R3HDM1: variants seen among roughly 807,000 people sequenced by gnomAD.
R3HDM1 encodes R3H domain containing 1, also known as R3H domain-containing protein 1.
R3HDM1 carries 46 observed loss-of-function variants against 141.1 expected under a neutral mutation model. That is an observed-to-expected ratio of 0.33 (90% CI 0.26 to 0.42). The LOEUF is 0.42. Ranked by LOEUF, R3HDM1 falls within the 10% of genes least tolerant of loss-of-function variation. R3HDM1 has a pLI of 1.00. For synonymous variants in R3HDM1, 435 were observed against 472.9 expected (o/e 0.92, Z 1.04); for missense variants, 1,184 against 1,368.3 (o/e 0.87, Z 2.12).
chr2:135,585,079 AG>A (rs1707569066), intron 1 of R3HDM1, among the ~76,000 whole-genome samples: 1 of 152,194 alleles, frequency 6.6e-6, no homozygotes, highest in East Asian at 1.9e-4. Context: ...GTGCAGTAAA[AG>A]ATTGTACACT....
At chr2:135,535,756 TTTGC>T (rs1360282339) in intron 1 of R3HDM1, among the ~76,000 whole-genome samples, 11 of 152,266 alleles carry the variant, frequency 7.2e-5, no homozygotes, top group African/African-American at 2.6e-4. Context: ...ATTAAACACA[TTTGC>T]TTGTACCTAA....
intron 1 of R3HDM1, among the ~76,000 whole-genome samples, chr2:135,553,315 C>T (rs925499650): frequency 3.3e-5 from 5 of 152,280 alleles, no homozygotes; most frequent in Middle Eastern, 3.4e-3. Flanking sequence ...AAGTACAACC[C>T]TCTGTTCCTT....
intron 21 of R3HDM1, among the ~76,000 whole-genome samples, 167 bp downstream of exon 21, chr2:135,680,491 T>C (rs1046561544): frequency 4.6e-5 from 7 of 152,218 alleles, no homozygotes; most frequent in African/African-American, 1.7e-4. Context: ...TTCTTTCGGC[T>C]AGGTACGGTG....
chr2:135,669,811 CTTAATAAA>C lies in R3HDM1; in HGVS notation c.2153-5519_2153-5512del, dbSNP rs546302540. Among the ~76,000 whole-genome samples the C allele has an allele frequency of 5.1e-3, 777 of 152,240 alleles. 5 individuals are homozygous for C. The highest frequency in any genetic ancestry group is 7.3e-3 in the Non-Finnish European group (498 of 68,006). On this transcript the variant is annotated intron_variant, in intron 19 of 26. Coordinates refer to ENST00000683871, the MANE Select transcript of R3HDM1 (RefSeq NM_001378107.1). ...AAAGTACTCAGAACAGTGCCTGAAA[CTTAATAAA>C]TATCATTTGAGGCTTAGGTATTAAG...
intron 19 of R3HDM1, among the ~76,000 whole-genome samples, chr2:135,671,112 C>T (rs1201840277): frequency 4.0e-5 from 6 of 150,334 alleles, no homozygotes; most frequent in Non-Finnish European, 7.4e-5. Flanking sequence ...ATAATACCTT[C>T]ATTACAAACT....
At chr2:135,620,008 A>C (rs1179883162) in intron 5 of R3HDM1, among the ~76,000 whole-genome samples, 1 of 152,210 alleles carries the variant, frequency 6.6e-6, no homozygotes, top group Non-Finnish European at 1.5e-5. Context: ...TTGCTACTGA[A>C]AACTAGGCCA....
At chr2:135,570,674 CAAG>C (rs1703906609) in intron 1 of R3HDM1, among the ~76,000 whole-genome samples, 1 of 152,134 alleles carries the variant, frequency 6.6e-6, no homozygotes, top group Non-Finnish European at 1.5e-5. Context: ...GAAATGAGCA[CAAG>C]AAGATAGAAA....
chr2:135,540,421 T>G (rs533540180), intron 1 of R3HDM1, among the ~76,000 whole-genome samples: 1 of 152,326 alleles, frequency 6.6e-6, no homozygotes, highest in African/African-American at 2.4e-5. Context: ...CCTCCTCCCA[T>G]GAATCACAAA....
intron 19 of R3HDM1, among the ~76,000 whole-genome samples, chr2:135,664,721 T>C (rs532821926): frequency 2.0e-5 from 3 of 152,368 alleles, no homozygotes; most frequent in East Asian, 1.9e-4. Flanking sequence ...TCTTTTGTTA[T>C]GAATGTGAAA....
chr2:135,657,387 G>A (rs1455263304), intron 18 of R3HDM1, among the ~76,000 whole-genome samples: 1 of 150,330 alleles, frequency 6.7e-6, no homozygotes, highest in African/African-American at 2.5e-5. Flanking sequence ...CTCCAGCCTG[G>A]GAGACAGAGC....
chr2:135,715,571 C>G lies in R3HDM1; in HGVS notation c.2758C>G (p.Pro920Ala). The G allele has an allele frequency of 6.2e-7, 1 of 1,613,974 alleles. No individual in the cohort carries two copies. Among genetic ancestry groups the G allele is most frequent in the Non-Finnish European group, 8.5e-7 (1 of 1,179,936 alleles). Residue 920 changes from proline to alanine, a missense_variant, in exon 24 of 27, where the codon CCC becomes GCC. Transcript: ENST00000683871. Reference sequence around the variant, plus strand: ...GCAGCACAGCCCTCAACTCAGTAGCCCCATTATTTCACCAGCTCAGTCGCC... The same window carrying G: ...GCAGCACAGCCCTCAACTCAGTAGCGCCATTATTTCACCAGCTCAGTCGCC... ...IVQHSPQLSS[P>A]IISPAQSPAP...
intron 11 of R3HDM1, among the ~76,000 whole-genome samples, chr2:135,636,732 C>T (rs2063291758): frequency 6.6e-6 from 1 of 150,392 alleles, no homozygotes; most frequent in Non-Finnish European, 1.5e-5. Flanking sequence ...TCAACATCTA[C>T]TAAGCATCTG....
chr2:135,607,823 C>T lies in R3HDM1; in HGVS notation c.171+2807C>T, dbSNP rs1015009746. On this transcript the variant is annotated intron_variant, in intron 3 of 26. Coordinates refer to ENST00000683871, the MANE Select transcript of R3HDM1 (RefSeq NM_001378107.1). ...AGTATAAGAAAATTTCCCACATTAC[C>T]CAAACCATTTATTGAAAAATCTCTT... 3 of 979,380 alleles carry T rather than the reference C, an allele frequency of 3.1e-6. No homozygotes were observed. In the African/African-American group the frequency reaches 5.3e-5, roughly 17 times the overall value. The allele number at this position is 979,380 out of a possible 1,614,324, so 60.7% of individuals were successfully genotyped here.
At chr2:135,654,427 T>TTTG (rs35477275) in intron 18 of R3HDM1, among the ~76,000 whole-genome samples, 21,395 of 149,118 alleles carry the variant, frequency 0.14, 1,763 homozygotes, top group South Asian at 0.29. Context: ...AATGTTTTCT[T>TTTG]TTGTTGTTGT....
intron 1 of R3HDM1, among the ~76,000 whole-genome samples, chr2:135,594,908 G>A (rs1274946515): frequency 6.6e-6 from 1 of 151,428 alleles, no homozygotes; most frequent in Non-Finnish European, 1.5e-5. Context: ...ACCAAATCAT[G>A]TATACTCATT....
chr2:135,715,921 T>C (rs1415487485), intron 24 of R3HDM1, among the ~76,000 whole-genome samples: 1 of 152,240 alleles, frequency 6.6e-6, no homozygotes, highest in Admixed American at 6.5e-5. Flanking sequence ...AATTACATGA[T>C]CACATTAAAA....
chr2:135,658,273 CT>C (rs1414984136), intron 18 of R3HDM1, among the ~76,000 whole-genome samples: 1 of 152,144 alleles, frequency 6.6e-6, no homozygotes, highest in Non-Finnish European at 1.5e-5. Flanking sequence ...TCAAGTGATT[CT>C]TCTGCCTCAG....
chr2:135,626,470 A>G (rs2105197442), intron 7 of R3HDM1, among the ~76,000 whole-genome samples: 1 of 152,328 alleles, frequency 6.6e-6, no homozygotes, highest in East Asian at 1.9e-4. Context: ...GGGTTGAGTA[A>G]TAAGTGGGAA....
rs1475576661 is a variant in R3HDM1 at position 135,631,867 on chromosome 2, A to G, written c.564A>G (p.Pro188=). ...ILDFIGNNES[P]RKKFPPMTSY... Reference sequence around the variant, plus strand: ...GTTTTTCTTGTGCTTCTAGGTCTCCACGTAAAAAATTCCCCCCAATGACAT... The same window carrying G: ...GTTTTTCTTGTGCTTCTAGGTCTCCGCGTAAAAAATTCCCCCCAATGACAT... The change falls in exon 9 of 27, where the codon CCA becomes CCG. Residue 188 remains proline, a synonymous_variant. Coordinates refer to ENST00000683871, the MANE Select transcript of R3HDM1 (RefSeq NM_001378107.1). 8.1e-6 allele frequency: 13 copies of G among 1,607,062 alleles called. No individual in the cohort carries two copies. Among genetic ancestry groups the G allele is most frequent in the Non-Finnish European group, 1.1e-5 (13 of 1,177,280 alleles).
Sources: gnomAD v4.1 joint callset for allele counts (sites outside exome capture counted in the v4.1 genomes callset) on GRCh38, gnomAD v4.1.1 for gene constraint, MANE v1.5 for transcripts, NCBI Gene and HGNC (gene_info 2026-07-23, HGNC 2026-07-21) for gene names.